Variants in LCT observed in about 807,000 individuals in gnomAD.
LCT encodes lactase/phlorizin hydrolase.
A neutral mutation model predicts 173.0 loss-of-function variants in LCT; 90 were observed. That is an observed-to-expected ratio of 0.52 (90% CI 0.44 to 0.62). The LOEUF is 0.62. Ranked by LOEUF, LCT falls within the 20% of genes least tolerant of loss-of-function variation. LCT has a pLI of 0.00. For synonymous variants in LCT, 853 were observed against 957.6 expected (o/e 0.89, Z 2.02); for missense variants, 1,864 against 2,431.4 (o/e 0.77, Z 4.91).
chr2:135,802,986 C>T (rs1241127138), intron 11 of LCT, among the ~76,000 whole-genome samples: 1 of 152,006 alleles, frequency 6.6e-6, no homozygotes, highest in Admixed American at 6.6e-5. Context: ...GTGACACATG[C>T]CTGTAATCCC....
At chr2:135,829,830 A>AGTGTGTGTGT (rs60681905) in intron 2 of LCT, among the ~76,000 whole-genome samples, 154 bp from the exon 3 acceptor site, 31,554 of 146,432 alleles carry the variant, frequency 0.22, 3,907 homozygotes, top group Middle Eastern at 0.46. Flanking sequence ...GGAATGAGAA[A>AGTGTGTGTGT]GTGTGTGTGT....
rs1299383810 is a variant in LCT at position 135,804,069 on chromosome 2, A to G, written c.4524T>C (p.Asn1508=). Residue 1508 remains asparagine (N), a synonymous_variant, in exon 11 of 17, where the codon AAT becomes AAC. Transcript: ENST00000264162. ...QTLQDVGGWE[N]ETIVQRFKEY... is the part of the protein sequence containing the mutation. ...CCTTAAACCGCTGCACGATGGTCTC[A>G]TTCTCCCAGCCTCCTACATCTTGGA... The G allele has an allele frequency of 6.2e-7, 1 of 1,612,180 alleles. No individual in the cohort carries two copies. Among genetic ancestry groups the G allele is most frequent in the African/African-American group, 1.3e-5 (1 of 74,954 alleles).
At chr2:135,829,709 C>T (rs901143342) in intron 2 of LCT, 33 bp from the exon 3 acceptor site, 2 of 1,423,738 alleles carry the variant, frequency 1.4e-6, no homozygotes, top group Admixed American at 1.7e-5. Context: ...GTCATTAGAA[C>T]CTAAGCACTG....
At chr2:135,821,887 C>A in intron 5 of LCT, 133 bp downstream of exon 5, 1 of 685,374 alleles carries the variant, frequency 1.5e-6, no homozygotes, top group South Asian at 1.6e-5. Context: ...TGTTTCTCAT[C>A]AATTGAATGG....
chr2:135,798,408 A>T (rs148731201), intron 12 of LCT, among the ~76,000 whole-genome samples: 7 of 152,322 alleles, frequency 4.6e-5, no homozygotes, highest in African/African-American at 1.7e-4. Context: ...TGACCTGGGC[A>T]CTGGCCCTGG....
Position 135,791,809 on chromosome 2 carries a change from ACAGT to A in LCT, c.5112-932_5112-929del, listed in dbSNP as rs1357732456. 7.9e-5 allele frequency among the ~76,000 whole-genome samples: 12 copies of A among 152,334 alleles called. No individual in the cohort carries two copies. The East Asian group carries it at 1.9e-3, about 24-fold the overall frequency. On this transcript the variant is annotated intron_variant, in intron 14 of 16. Transcript: ENST00000264162. ...TGGTTTTCAAAGAAAGAACCTGGAC[ACAGT>A]CAGAGCTACTGGTGTGGAAAGATGC...
Position 135,807,021 on chromosome 2 carries a change from C to G in LCT, c.4173+107G>C. 2.3e-6 allele frequency: 3 copies of G among 1,311,358 alleles called. No homozygotes were observed. The South Asian group carries it at 3.6e-5, about 16-fold the overall frequency. The allele number at this position is 1,311,358 out of a possible 1,614,324, so 81.2% of individuals were successfully genotyped here. ...GACCCCATGCTGCCCCTCCATGGGT[C>G]TGCTGGAATCTCCTGTTCATGCATC... is the stretch of plus-strand genomic sequence containing the variant. On this transcript the variant is annotated intron_variant, in intron 9 of 16. Coordinates refer to ENST00000264162, the MANE Select transcript of LCT (RefSeq NM_002299.4).
intron 12 of LCT, among the ~76,000 whole-genome samples, chr2:135,799,277 G>A (rs1202163991): frequency 1.3e-5 from 2 of 151,846 alleles, no homozygotes; most frequent in African/African-American, 2.4e-5. Context: ...ACTCTTCCAC[G>A]GAGCCCAAAG....
Position 135,790,666 on chromosome 2 carries a change from G to T in LCT, c.5327C>A (p.Ala1776Asp), listed in dbSNP as rs1316059660. ...GGGCGGGCCCGTCGTACCTTTGAGG[G>T]CCTCATTGATGTAAGTCCGAAGGTA... Reference protein sequence around the residue: ...IYYLRTYINEALKAVQDKVDL... With the variant: ...IYYLRTYINEDLKAVQDKVDL... The change falls in exon 15 of 17, where the codon GCC becomes GAC. Residue 1776 changes from alanine (A) to aspartate (D), a missense_variant. Transcript: ENST00000264162. This position sits in a 1 kb window ranked among gnomAD's most constrained non-coding sequence, Gnocchi z 4.1. The T allele has an allele frequency of 1.9e-6, 3 of 1,607,196 alleles. No individual in the cohort carries two copies. Among genetic ancestry groups the T allele is most frequent in the Admixed American group, 3.3e-5 (2 of 60,026 alleles).
At position 135,809,279 on chromosome 2, in the gene LCT, A is replaced by G. The variant is rs775728891; in HGVS notation, c.3068T>C (p.Leu1023Pro). Residue 1023 changes from leucine to proline, a missense_variant, in exon 8 of 17, where the codon CTG becomes CCG. Transcript: ENST00000264162. The surrounding 1 kb of genome is among the most constrained non-coding windows in gnomAD (Gnocchi z 5.5). The stretch of plus-strand genomic sequence containing the variant: ...TCCGATATCCTGGAGGGCCTGGGGC[A>G]GGTCCCAATGGAACAATGTCACCAT... ...FPMVTLFHWDLPQALQDIGGW... is the reference protein window; with the variant it reads ...FPMVTLFHWDPPQALQDIGGW... The G allele has an allele frequency of 3.1e-6, 5 of 1,614,212 alleles. No individual in the cohort carries two copies. The highest frequency in any genetic ancestry group is 1.7e-5 in the Admixed American group (1 of 60,032).
At chr2:135,811,518 T>G (rs1187875035) in intron 7 of LCT, among the ~76,000 whole-genome samples, 1 of 152,062 alleles carries the variant, frequency 6.6e-6, no homozygotes, top group Admixed American at 6.6e-5. Context: ...TCAAAATCAA[T>G]GACATAGAAT....
At chr2:135,798,930 G>C (rs2077604117) in intron 12 of LCT, among the ~76,000 whole-genome samples, 1 of 152,112 alleles carries the variant, frequency 6.6e-6, no homozygotes. Flanking sequence ...ATTCTAATAA[G>C]AGATGCATCT....
chr2:135,794,508 G>C, intron 14 of LCT, 133 bp downstream of exon 14: 1 of 935,986 alleles, frequency 1.1e-6, no homozygotes, highest in South Asian at 1.4e-5. Flanking sequence ...GGGGTGGCGA[G>C]CATCTTGCAA....
At chr2:135,794,296 A>C (rs2077560014) in intron 14 of LCT, 1 of 228,538 alleles carries the variant, frequency 4.4e-6, no homozygotes, top group Non-Finnish European at 8.7e-6. Context: ...GATAAAACCT[A>C]AACAATTTTT....
rs750508708 is a variant in LCT, at chr2:135,808,793, C to T, written c.3554G>A (p.Arg1185His). The T allele has an allele frequency of 5.0e-6, 8 of 1,613,300 alleles. No individual in the cohort carries two copies. The highest frequency in any genetic ancestry group is 5.1e-6 in the Non-Finnish European group (6 of 1,179,340). Residue 1185 changes from arginine (R) to histidine (H), a missense_variant, in exon 8 of 17, where the codon CGC (arginine) becomes CAC (histidine). This residue lies in a region of LCT where 755 missense variants were observed against 926.3 expected (regional missense o/e 0.82). Coordinates refer to ENST00000264162, the MANE Select transcript of LCT (RefSeq NM_002299.4). ...CTCTTCCTCAGTGAAGCTTGGCAGGCGGGAGGTGGCTAAGTGCTGCAGTTC... is the reference window on the plus strand; with the variant it reads ...CTCTTCCTCAGTGAAGCTTGGCAGGTGGGAGGTGGCTAAGTGCTGCAGTTC... ...RSELQHLATS[R>H]LPSFTEEEKR...
intron 8 of LCT, 35 bp from the exon 9 acceptor site, chr2:135,807,431 G>T: frequency 1.2e-6 from 2 of 1,611,656 alleles, no homozygotes; most frequent in South Asian, 2.2e-5. Flanking sequence ...AGGAGAGCTT[G>T]ACACCAGGAG....
At position 135,813,535 on chromosome 2, in the gene LCT, T is replaced by C. The variant is rs140844409; in HGVS notation, c.1708-579A>G. Reference sequence around the variant, plus strand: ...CTACTTAATGAATTCTCTCATGTAATCCTCACCACAACCTCATATGGCAGG... The same window carrying C: ...CTACTTAATGAATTCTCTCATGTAACCCTCACCACAACCTCATATGGCAGG... On this transcript the variant is annotated intron_variant, in intron 6 of 16. Transcript: ENST00000264162. Among the ~76,000 whole-genome samples the C allele has an allele frequency of 6.6e-5, 10 of 152,326 alleles. No homozygotes were observed. The South Asian group carries it at 1.0e-3, about 16-fold the overall frequency.
chr2:135,825,772 G>A (rs929274082), intron 3 of LCT, among the ~76,000 whole-genome samples: 1 of 152,222 alleles, frequency 6.6e-6, no homozygotes, highest in East Asian at 1.9e-4. Context: ...CGGGGAGAGG[G>A]TGGGAATGGG....
In LCT at chr2:135,817,653, G is replaced by A. The variant is rs771350580; in HGVS notation, c.1395C>T (p.His465=). Residue 465 remains histidine (H), a synonymous_variant, in exon 6 of 17, where the codon CAC becomes CAT. Transcript: ENST00000264162. ...ISWSRIFPMG[H]GSSPSLPGVA... is the part of the protein sequence containing the mutation. ...CGCCTGGGAGGCTGGGGCTGCTCCC[G>A]TGCCCCATGGGGAAGATCCGGGACC... 2.2e-5 allele frequency: 36 copies of A among 1,613,636 alleles called. No homozygotes were observed. The East Asian group carries it at 2.5e-4, about 11-fold the overall frequency.
Sources: allele counts gnomAD v4.1 joint callset (sites outside exome capture counted in the v4.1 genomes callset), GRCh38; gene constraint gnomAD v4.1.1; regional missense constraint gnomAD v4.1.1; non-coding constraint Gnocchi (gnomAD v3.1); transcripts MANE v1.5; gene names NCBI Gene and HGNC (gene_info 2026-07-23, HGNC 2026-07-21).